Variants in TSHZ2 observed in about 807,000 individuals in gnomAD.
TSHZ2 encodes the protein teashirt zinc finger homeobox 2, also known as teashirt homolog 2.
In TSHZ2, 21 loss-of-function variants were observed where a neutral mutation model predicts 74.4. The ratio of observed to expected loss-of-function variants is 0.28; its 90% CI spans 0.20 to 0.41. The LOEUF (loss-of-function observed/expected upper bound fraction) is 0.41. Ranked by LOEUF, TSHZ2 falls within the 10% of genes least tolerant of loss-of-function variation. TSHZ2 has a pLI of 1.00. For synonymous variants in TSHZ2, 540 were observed against 515.3 expected (o/e 1.05, Z -0.65); for missense variants, 1,244 against 1,293.5 (o/e 0.96, Z 0.59).
intron 1 of TSHZ2, among the ~76,000 whole-genome samples, chr20:53,120,382 C>T (rs1292745746): frequency 2.0e-5 from 3 of 151,924 alleles, no homozygotes; most frequent in Non-Finnish European, 2.9e-5. Flanking sequence ...GCATTTTTGT[C>T]AGAGTTTATT....
chr20:53,129,769 G>A (rs1046827225), intron 1 of TSHZ2, among the ~76,000 whole-genome samples: 10 of 151,928 alleles, frequency 6.6e-5, no homozygotes, highest in African/African-American at 2.4e-4. Context: ...CTCCCCTCCC[G>A]TGCCTTGCTT....
At chr20:53,236,757 A>G (rs1989948477) in intron 1 of TSHZ2, among the ~76,000 whole-genome samples, 1 of 152,270 alleles carries the variant, frequency 6.6e-6, no homozygotes, top group African/African-American at 2.4e-5. Flanking sequence ...ACTTACAATC[A>G]TGACGGAAGG....
At chr20:53,030,898 A>T (rs1448220010) in intron 1 of TSHZ2, among the ~76,000 whole-genome samples, 2 of 152,228 alleles carry the variant, frequency 1.3e-5, no homozygotes, top group Non-Finnish European at 2.9e-5. Flanking sequence ...TTCCATCAAC[A>T]GATAAAGAAA....
intron 2 of TSHZ2, among the ~76,000 whole-genome samples, chr20:53,451,553 A>C (rs1376710904): frequency 6.6e-6 from 1 of 152,136 alleles, no homozygotes; most frequent in Non-Finnish European, 1.5e-5. Flanking sequence ...CTATTTCCTT[A>C]ATTCTTTATC....
At chr20:53,000,051 C>T (rs1332543093) in intron 1 of TSHZ2, among the ~76,000 whole-genome samples, 1 of 152,210 alleles carries the variant, frequency 6.6e-6, no homozygotes, top group Non-Finnish European at 1.5e-5. Context: ...TTCATCTTCG[C>T]AGACGTCCAA....
intron 2 of TSHZ2, among the ~76,000 whole-genome samples, chr20:53,440,872 A>G (rs1290415419): frequency 1.3e-5 from 2 of 152,268 alleles, no homozygotes; most frequent in African/African-American, 4.8e-5. Flanking sequence ...AAGACCAGCA[A>G]GTGCAAAGGC....
chr20:53,246,483 C>A (rs191522481), intron 1 of TSHZ2, among the ~76,000 whole-genome samples: 1 of 152,310 alleles, frequency 6.6e-6, no homozygotes, highest in South Asian at 2.1e-4. Context: ...TGGCCCGCTT[C>A]GCCCATTTTC....
chr20:53,105,888 A>G (rs996939188), intron 1 of TSHZ2, among the ~76,000 whole-genome samples: 11 of 152,150 alleles, frequency 7.2e-5, no homozygotes, highest in Admixed American at 2.0e-4. Context: ...GGCTCAAACA[A>G]TCTGCCCACC....
At chr20:53,089,560 A>G (rs535053576) in intron 1 of TSHZ2, among the ~76,000 whole-genome samples, 1 of 152,296 alleles carries the variant, frequency 6.6e-6, no homozygotes, top group African/African-American at 2.4e-5. Context: ...CTGAGAAAAG[A>G]TTTGCCCTTG....
intron 1 of TSHZ2, among the ~76,000 whole-genome samples, chr20:53,146,493 C>T (rs983063062): frequency 1.3e-5 from 2 of 152,122 alleles, no homozygotes; most frequent in South Asian, 2.1e-4. Flanking sequence ...TGAGCTTTCG[C>T]GCGTGAGTAA....
At chr20:53,085,222 G>A (rs1312321108) in intron 1 of TSHZ2, among the ~76,000 whole-genome samples, 3 of 151,972 alleles carry the variant, frequency 2.0e-5, no homozygotes, top group African/African-American at 4.8e-5. Context: ...AAAATCAGCC[G>A]GGCGTGGTGG....
At chr20:53,484,959 T>G (rs1377185869) in intron 2 of TSHZ2, among the ~76,000 whole-genome samples, 1 of 152,208 alleles carries the variant, frequency 6.6e-6, no homozygotes, top group Non-Finnish European at 1.5e-5. Flanking sequence ...TTAGGTTCAG[T>G]GTTTTTTCTC....
At chr20:53,142,496 G>C (rs1015400578) in intron 1 of TSHZ2, among the ~76,000 whole-genome samples, 3 of 152,220 alleles carry the variant, frequency 2.0e-5, no homozygotes, top group Admixed American at 1.3e-4. Context: ...TCTGAGTCAC[G>C]TGATGAGTTC....
chr20:53,003,236 C>T (rs1982503967), intron 1 of TSHZ2, among the ~76,000 whole-genome samples: 1 of 148,264 alleles, frequency 6.7e-6, no homozygotes, highest in South Asian at 2.2e-4. Flanking sequence ...TCATCAGCCT[C>T]CTGTTTTTCT....
chr20:53,196,185 A>T (rs560769404), intron 1 of TSHZ2: 2 of 152,022 alleles, frequency 1.3e-5, no homozygotes, highest in African/African-American at 4.8e-5. Flanking sequence ...GGCGCTGACA[A>T]TAAGGAAGCA....
Position 53,469,901 on chromosome 20 carries a change from G to A in TSHZ2, c.*9-17243G>A, listed in dbSNP as rs976025385. Among the ~76,000 whole-genome samples, 2 of 50,160 alleles carry A rather than the reference G, an allele frequency of 4.0e-5. 1 individual carries two copies. Among genetic ancestry groups the A allele is most frequent in the Non-Finnish European group, 8.5e-5 (2 of 23,452 alleles). The allele number at this position is 50,160 out of a possible 152,430, so 32.9% of individuals were successfully genotyped here. On this transcript the variant is annotated intron_variant, in intron 2 of 2. Coordinates refer to ENST00000371497, the MANE Select transcript of TSHZ2 (RefSeq NM_173485.6). ...GAAAAAAAAGAGAGAGAGGAAAGGA[G>A]GAAGGAAGGAAGGAAGGAAGGCAGG...
intron 1 of TSHZ2, among the ~76,000 whole-genome samples, chr20:53,161,153 A>T (rs971051528): frequency 2.0e-5 from 3 of 149,942 alleles, no homozygotes; most frequent in African/African-American, 7.5e-5. Context: ...AAAAAAAAAA[A>T]TAGGAGGTAA....
At chr20:53,396,570 G>A (rs1451283452) in intron 2 of TSHZ2, among the ~76,000 whole-genome samples, 1 of 152,150 alleles carries the variant, frequency 6.6e-6, no homozygotes, top group Non-Finnish European at 1.5e-5. Context: ...GAGAGACCAG[G>A]TATGGGTGGC....
intron 1 of TSHZ2, among the ~76,000 whole-genome samples, chr20:53,083,611 C>G (rs755404211): frequency 8.5e-5 from 13 of 152,226 alleles, no homozygotes; most frequent in Non-Finnish European, 1.9e-4. Context: ...TTTATTCAGG[C>G]TCAAACCTTA....
Sources: gnomAD v4.1 joint callset for allele counts (sites outside exome capture counted in the v4.1 genomes callset) on GRCh38, gnomAD v4.1.1 for gene constraint, MANE v1.5 for transcripts, NCBI Gene and HGNC (gene_info 2026-07-23, HGNC 2026-07-21) for gene names.